UBE3C: variants seen among roughly 807,000 people sequenced by gnomAD.
The protein encoded by UBE3C is ubiquitin-protein ligase E3C.
Under a neutral mutation model 129.4 loss-of-function variants are expected in UBE3C, and 42 were observed. That is an observed-to-expected ratio of 0.32 (90% CI 0.25 to 0.42). The LOEUF is 0.42. Ranked by LOEUF, UBE3C falls within the 10% of genes least tolerant of loss-of-function variation. The pLI, the probability that UBE3C is intolerant of heterozygous loss-of-function variation, is 1.00. For missense variants in UBE3C, 1,049 were observed against 1,319.1 expected (o/e 0.80, Z 3.17); for synonymous variants, 510 against 492.4 (o/e 1.04, Z -0.47).
chr7:157,155,828 T>A (rs896534490), intron 1 of UBE3C, among the ~76,000 whole-genome samples: 3 of 152,232 alleles, frequency 2.0e-5, no homozygotes, highest in Non-Finnish European at 4.4e-5. Context: ...CTGTGCTCAC[T>A]GTGGATTTCA....
At chr7:157,209,654 T>G (rs1383230910) in intron 13 of UBE3C, among the ~76,000 whole-genome samples, 1 of 152,234 alleles carries the variant, frequency 6.6e-6, no homozygotes, top group Non-Finnish European at 1.5e-5. Context: ...TCAGGTGTTG[T>G]GTATGATATC....
intron 5 of UBE3C, among the ~76,000 whole-genome samples, chr7:157,175,587 A>G (rs1383416270): frequency 1.3e-5 from 2 of 152,240 alleles, no homozygotes; most frequent in Non-Finnish European, 2.9e-5. Flanking sequence ...TCTCAACTGT[A>G]GTAAAATTTT....
At chr7:157,187,301 G>T (rs1808833734) in intron 10 of UBE3C, among the ~76,000 whole-genome samples, 1 of 151,956 alleles carries the variant, frequency 6.6e-6, no homozygotes, top group Admixed American at 6.6e-5. Context: ...CATCTGAAAG[G>T]CTGGACTCAT....
At position 157,256,902 on chromosome 7, in the gene UBE3C, A is replaced by AT; in HGVS notation, c.2951-8dup. The AT allele has an allele frequency of 6.2e-7, 1 of 1,613,908 alleles. No homozygotes were observed. The highest frequency in any genetic ancestry group is 8.5e-7 in the Non-Finnish European group (1 of 1,179,904). ...TTTGCATTTCATAAAGCATGTGTTC[A>AT]TTTTGCCATAGGAGGCTATTCTGCA... On this transcript the variant is annotated splice_polypyrimidine_tract_variant and intron_variant, in intron 21 of 22. Transcript: ENST00000348165.
chr7:157,218,990 GTACCTCAGGC>G (rs1390836401), intron 14 of UBE3C, among the ~76,000 whole-genome samples: 1 of 152,176 alleles, frequency 6.6e-6, no homozygotes, highest in Non-Finnish European at 1.5e-5. Context: ...TTTATAAACT[GTACCTCAGGC>G]AAAACAGATA....
chr7:157,147,128 C>T (rs1257174183), intron 1 of UBE3C, among the ~76,000 whole-genome samples: 1 of 152,180 alleles, frequency 6.6e-6, no homozygotes, highest in African/African-American at 2.4e-5. Flanking sequence ...TTGGGAAAAA[C>T]TAAAATCTTG....
chr7:157,223,574 G>A (rs1412930968), intron 16 of UBE3C, among the ~76,000 whole-genome samples: 2 of 13,560 alleles, frequency 1.5e-4, no homozygotes, highest in South Asian at 3.7e-3. Context: ...TTGAAAGCCA[G>A]TAAACACTAT....
intron 2 of UBE3C, among the ~76,000 whole-genome samples, chr7:157,164,744 T>G (rs1332456189): frequency 6.6e-6 from 1 of 152,204 alleles, no homozygotes; most frequent in Non-Finnish European, 1.5e-5. Flanking sequence ...TACTAGGTAT[T>G]GCTCTGCTTG....
chr7:157,220,483 A>G (rs903343333), intron 14 of UBE3C, among the ~76,000 whole-genome samples: 2 of 152,260 alleles, frequency 1.3e-5, no homozygotes, highest in Non-Finnish European at 2.9e-5. Context: ...ATTAGAAAAC[A>G]TAGTTAACTG....
Position 157,182,163 on chromosome 7 carries a change from C to G in UBE3C, c.826C>G (p.Gln276Glu), listed in dbSNP as rs762838876. The change falls in exon 8 of 23, where the codon CAG (glutamine) becomes GAG (glutamate). Residue 276 changes from glutamine to glutamate, a missense_variant. Transcript: ENST00000348165. ...EEFLAAPFTD[Q>E]IFHFIIPALA... ...GTTTCTGGCAGCACCTTTTACAGATCAGATTTTTCATTTCATCATTCCGGC... is the reference window on the plus strand; with the variant it reads ...GTTTCTGGCAGCACCTTTTACAGATGAGATTTTTCATTTCATCATTCCGGC... 1.9e-6 allele frequency: 3 copies of G among 1,611,844 alleles called. No homozygotes were observed. The highest frequency in any genetic ancestry group is 1.1e-5 in the South Asian group (1 of 90,174).
chr7:157,185,836 G>A (rs1808790179), intron 9 of UBE3C, among the ~76,000 whole-genome samples: 1 of 152,118 alleles, frequency 6.6e-6, no homozygotes, highest in African/African-American at 2.4e-5. Context: ...TTTGACAGAT[G>A]AATTTACTGC....
chr7:157,216,645 A>G (rs763588759), intron 13 of UBE3C, among the ~76,000 whole-genome samples: 2 of 152,140 alleles, frequency 1.3e-5, no homozygotes, highest in Non-Finnish European at 2.9e-5. Flanking sequence ...TATCATGTAC[A>G]TGTGTTTGTG....
intron 9 of UBE3C, among the ~76,000 whole-genome samples, chr7:157,185,321 A>G (rs1309534858): frequency 6.6e-6 from 1 of 152,238 alleles, no homozygotes; most frequent in Non-Finnish European, 1.5e-5. Context: ...AAGAAGTGGG[A>G]TCAGTTTCTT....
intron 10 of UBE3C, among the ~76,000 whole-genome samples, chr7:157,190,219 A>G (rs1808918260): frequency 6.6e-6 from 1 of 152,140 alleles, no homozygotes; most frequent in African/African-American, 2.4e-5. Context: ...GGAGCTCCAG[A>G]CACAAGTGTA....
intron 11 of UBE3C, among the ~76,000 whole-genome samples, chr7:157,204,606 C>T (rs1425197210): frequency 6.6e-6 from 1 of 152,108 alleles, no homozygotes; most frequent in African/African-American, 2.4e-5. Context: ...ACACATCAGA[C>T]ATTTTGCAAA....
At chr7:157,239,919 G>T (rs553303488) in intron 18 of UBE3C, among the ~76,000 whole-genome samples, 1 of 152,290 alleles carries the variant, frequency 6.6e-6, no homozygotes, top group South Asian at 2.1e-4. Context: ...TGCTTTCTGG[G>T]TGATGCAGCA....
intron 10 of UBE3C, among the ~76,000 whole-genome samples, chr7:157,198,723 C>T (rs1006807599): frequency 9.2e-5 from 14 of 152,012 alleles, no homozygotes; most frequent in Non-Finnish European, 1.5e-4. Flanking sequence ...TTAGTAGAGA[C>T]GGGGTTTCAC....
At chr7:157,171,680 ATATATATTTTTTTTTTTTTTTTTTTTT>A (rs1563038999) in intron 4 of UBE3C, among the ~76,000 whole-genome samples, 4 of 32,824 alleles carry the variant, frequency 1.2e-4, no homozygotes, top group Admixed American at 3.8e-4. Flanking sequence ...ATATATATAT[ATATATATTTTTTTTTTTTTTTTTTTTT>A]TTTTTTTTTT....
chr7:157,153,920 G>A lies in UBE3C; in HGVS notation c.67-9890G>A, dbSNP rs189215198. On this transcript the variant is annotated intron_variant, in intron 1 of 22. Coordinates refer to ENST00000348165, the MANE Select transcript of UBE3C (RefSeq NM_014671.3). Reference sequence around the variant, plus strand: ...AGGTGGGAGGACGGCTTGGTGGGGCGGGGGCGAGGTTGCAGTGAGTGAGCC... The same window carrying A: ...AGGTGGGAGGACGGCTTGGTGGGGCAGGGGCGAGGTTGCAGTGAGTGAGCC... 1.6e-4 allele frequency among the ~76,000 whole-genome samples: 24 copies of A among 152,200 alleles called. No individual in the cohort carries two copies. In the East Asian group the frequency reaches 4.2e-3, roughly 27 times the overall value.
Sources: gnomAD v4.1 joint callset for allele counts (sites outside exome capture counted in the v4.1 genomes callset) on GRCh38, gnomAD v4.1.1 for gene constraint, MANE v1.5 for transcripts, NCBI Gene and HGNC (gene_info 2026-07-23, HGNC 2026-07-21) for gene names.